The following LEF1 variants were observed in gnomAD, a reference collection of about 807,000 sequenced individuals.
The protein encoded by LEF1 is lymphoid enhancer-binding factor 1.
Under a neutral mutation model 51.2 loss-of-function variants are expected in LEF1, and 14 were observed. The ratio of observed to expected loss-of-function variants is 0.27; its 90% confidence interval spans 0.18 to 0.43. The LOEUF (loss-of-function observed/expected upper bound fraction) is 0.43. LEF1 is among the 20% of genes least tolerant of loss of function. The pLI is 1.00. For missense variants in LEF1, 386 were observed against 512.0 expected (o/e 0.75, Z 2.37); for synonymous variants, 185 against 183.2 (o/e 1.01, Z -0.08).
chr4:108,104,804 T>C (rs11932570), intron 3 of LEF1: 6,893 of 388,056 alleles, frequency 0.018, 435 homozygotes, highest in African/African-American at 0.14. Flanking sequence ...GTTCCATAAA[T>C]GGCATCAATC....
At chr4:108,093,317 T>C (rs1009282692) in intron 3 of LEF1, among the ~76,000 whole-genome samples, 4 of 152,180 alleles carry the variant, frequency 2.6e-5, no homozygotes, top group African/African-American at 9.7e-5. Context: ...CTGTGCTGGC[T>C]ACTGTACACA....
At chr4:108,127,190 A>T (rs144117479) in intron 3 of LEF1, among the ~76,000 whole-genome samples, 3 of 152,310 alleles carry the variant, frequency 2.0e-5, no homozygotes, top group African/African-American at 7.2e-5. Flanking sequence ...ACAGAATGCT[A>T]AAACTGGGGA....
In LEF1 at chr4:108,089,382, C is replaced by T. The variant is rs1044269623; in HGVS notation, c.415-125G>A. On this transcript the variant is annotated intron_variant, in intron 3 of 11. Transcript: ENST00000265165. ...ACATAACCCAAGAATCACCTTCAGA[C>T]CTGGACAGGTGGAAATGTCTCTTTT... 3.2e-6 allele frequency: 3 copies of T among 948,434 alleles called. No individual in the cohort carries two copies. The African/African-American group carries it at 5.0e-5, about 16-fold the overall frequency. 58.8% of individuals were successfully genotyped at this position (948,434 alleles called of 1,614,324 possible). A position where few individuals can be genotyped will look rare whatever the true frequency, so the allele number is the denominator to read the frequency against.
intron 3 of LEF1, among the ~76,000 whole-genome samples, chr4:108,154,443 C>CAAAAAAAAAAAAAAAA: frequency 1.4e-5 from 1 of 71,976 alleles, no homozygotes; most frequent in Middle Eastern, 8.9e-3. Flanking sequence ...AAGGTAGTAG[C>CAAAAAAAAAAAAAAAA]AAAAAAAAAA....
chr4:108,142,215 C>G lies in LEF1; in HGVS notation c.414+21353G>C, dbSNP rs998619734. On this transcript the variant is annotated intron_variant, in intron 3 of 11. Coordinates refer to ENST00000265165, the MANE Select transcript of LEF1 (RefSeq NM_016269.5). ...GACCTGTCCCGCGCCCTTACCTGCT[C>G]CTCCTTAGCCCTTTTTAATCAACTA... Among the ~76,000 whole-genome samples, 49 of 152,238 alleles carry G rather than the reference C, an allele frequency of 3.2e-4. 1 individual carries two copies. Among genetic ancestry groups the G allele is most frequent in the Non-Finnish European group, 4.6e-4 (31 of 68,042 alleles).
At chr4:108,163,787 A>G in intron 2 of LEF1, 86 bp from the exon 3 acceptor site, 1 of 1,355,566 alleles carries the variant, frequency 7.4e-7, no homozygotes, top group Non-Finnish European at 1.0e-6. Context: ...AATAGTTCTA[A>G]GATAAATCAG....
chr4:108,090,730 T>G (rs1739966427), intron 3 of LEF1, among the ~76,000 whole-genome samples: 2 of 152,196 alleles, frequency 1.3e-5, no homozygotes, highest in Admixed American at 6.5e-5. Flanking sequence ...TCTTCCCTTC[T>G]AGCTATTAAA....
In LEF1 at chr4:108,047,927, A is replaced by G. The variant is rs550463547; in HGVS notation, c.*831T>C. On this transcript the variant is annotated 3_prime_UTR_variant, in exon 12 of 12. Coordinates refer to ENST00000265165, the MANE Select transcript of LEF1 (RefSeq NM_016269.5). ...AAAATAAACTGAAATAGGGCTGCCA[A>G]TTGCTACCAACAGAGTGGGTTTGGC... 1 of 152,622 alleles carries G rather than the reference A, an allele frequency of 6.6e-6. No individual in the cohort carries two copies. Among genetic ancestry groups the G allele is most frequent in the Non-Finnish European group, 1.5e-5 (1 of 68,048 alleles). 9.5% of individuals were successfully genotyped at this position (152,622 alleles called of 1,614,324 possible). A position where few individuals can be genotyped will look rare whatever the true frequency, so the allele number is the denominator to read the frequency against.
At chr4:108,114,784 T>C (rs1213459574) in intron 3 of LEF1, among the ~76,000 whole-genome samples, 1 of 152,232 alleles carries the variant, frequency 6.6e-6, no homozygotes, top group Non-Finnish European at 1.5e-5. Flanking sequence ...TTACATCACG[T>C]TGAAGTGTAT....
intron 3 of LEF1, among the ~76,000 whole-genome samples, chr4:108,099,608 A>G (rs1172767816): frequency 6.7e-5 from 8 of 119,438 alleles, no homozygotes; most frequent in African/African-American, 1.3e-4. Context: ...ATATATATAT[A>G]TATATATATA....
chr4:108,048,730 G>T lies in LEF1; in HGVS notation c.*28C>A. The T allele has an allele frequency of 6.2e-7, 1 of 1,607,158 alleles. No individual in the cohort carries two copies. Among genetic ancestry groups the T allele is most frequent in the Non-Finnish European group, 8.5e-7 (1 of 1,176,700 alleles). ...GGTCGCTGCCTTGGCTTTGCACGTT[G>T]GGAATGAGCTTCGTTTTCCACCTCA... is the stretch of plus-strand genomic sequence containing the variant. On this transcript the variant is annotated 3_prime_UTR_variant, in exon 12 of 12. Coordinates refer to ENST00000265165, the MANE Select transcript of LEF1 (RefSeq NM_016269.5).
At chr4:108,128,991 T>TA (rs1742708731) in intron 3 of LEF1, among the ~76,000 whole-genome samples, 1 of 152,188 alleles carries the variant, frequency 6.6e-6, no homozygotes, top group Admixed American at 6.5e-5. Flanking sequence ...ATTTTTACTT[T>TA]AAAAAATCAG....
chr4:108,078,497 C>T, intron 7 of LEF1, 115 bp from the exon 8 acceptor site: 2 of 1,337,402 alleles, frequency 1.5e-6, no homozygotes, highest in Non-Finnish European at 2.1e-6. Flanking sequence ...TGGCGACAAC[C>T]CTCTCACCCC....
chr4:108,062,324 T>C (rs1347299086), intron 11 of LEF1, among the ~76,000 whole-genome samples: 1 of 152,202 alleles, frequency 6.6e-6, no homozygotes, highest in African/African-American at 2.4e-5. Flanking sequence ...ACTCTTCTCC[T>C]AAGAAACACT....
chr4:108,119,079 A>T (rs1431269455), intron 3 of LEF1, among the ~76,000 whole-genome samples: 2 of 151,094 alleles, frequency 1.3e-5, no homozygotes, highest in African/African-American at 2.4e-5. Flanking sequence ...AAGATTTTTT[A>T]AAAAACATTT....
intron 1 of LEF1, chr4:108,166,233 C>G (rs758598830): frequency 2.0e-6 from 3 of 1,533,518 alleles, no homozygotes; most frequent in South Asian, 2.4e-5. Flanking sequence ...ATTCTGTTCT[C>G]TGAACGCAGG....
At chr4:108,126,622 G>A (rs909192679) in intron 3 of LEF1, among the ~76,000 whole-genome samples, 1 of 151,856 alleles carries the variant, frequency 6.6e-6, no homozygotes, top group African/African-American at 2.4e-5. Flanking sequence ...GGCCAACACG[G>A]TGAAACACCG....
chr4:108,116,988 T>C (rs2110326421), intron 3 of LEF1, among the ~76,000 whole-genome samples: 1 of 152,348 alleles, frequency 6.6e-6, no homozygotes, highest in Non-Finnish European at 1.5e-5. Context: ...TGACACAGAG[T>C]GCCCTCACTG....
Position 108,167,468 on chromosome 4 carries a change from G to A in LEF1, c.213+87C>T. On this transcript the variant is annotated intron_variant, in intron 1 of 11. Coordinates refer to ENST00000265165, the MANE Select transcript of LEF1 (RefSeq NM_016269.5). This position sits in a 1 kb window ranked among gnomAD's most constrained non-coding sequence, Gnocchi z 5.7. ...ATCTACTCGGGACCCTCAGCCGGGCGGCCGGGCGCCTTCGTTCCCTTCCTC... is the reference window on the plus strand; with the variant it reads ...ATCTACTCGGGACCCTCAGCCGGGCAGCCGGGCGCCTTCGTTCCCTTCCTC... 1 of 1,360,556 alleles carries A rather than the reference G, an allele frequency of 7.3e-7. No homozygotes were observed. The highest frequency in any genetic ancestry group is 1.3e-5 in the South Asian group (1 of 78,190). 84.3% of individuals were successfully genotyped at this position (1,360,556 alleles called of 1,614,324 possible).
Sources: allele counts gnomAD v4.1 joint callset (sites outside exome capture counted in the v4.1 genomes callset), GRCh38; gene constraint gnomAD v4.1.1; non-coding constraint Gnocchi (gnomAD v3.1); transcripts MANE v1.5; gene names NCBI Gene and HGNC (gene_info 2026-07-23, HGNC 2026-07-21).